The following ZNF514 variants were observed in gnomAD, a reference collection of about 807,000 sequenced individuals.
The protein encoded by ZNF514 is zinc finger protein 514.
Under a neutral mutation model 9.7 loss-of-function variants are expected in ZNF514, and 12 were observed. The observed-to-expected ratio is 1.24, with a 90% CI of 0.79 to 2.01. The LOEUF (loss-of-function observed/expected upper bound fraction) is 2.01, where lower values mean the gene tolerates loss of function less well. Among genes scored for constraint, ZNF514 ranks in the 30% most tolerant of loss-of-function variants. ZNF514 has a pLI of 0.00. For missense variants in ZNF514, 467 were observed against 465.5 expected (o/e 1.00, Z -0.03); for synonymous variants, 158 against 163.7 (o/e 0.97, Z 0.27).
intron 2 of ZNF514, chr2:95,154,188 C>CAA (rs1483268079): frequency 1.3e-5 from 2 of 152,264 alleles, no homozygotes; most frequent in African/African-American, 4.8e-5. Context: ...TACAGGTGAG[C>CAA]AAAAGCCTTC....
At chr2:95,157,095 C>T (rs2104476773) in intron 2 of ZNF514, among the ~76,000 whole-genome samples, 1 of 152,300 alleles carries the variant, frequency 6.6e-6, no homozygotes, top group Middle Eastern at 3.4e-3. Context: ...AGGGCTGTCA[C>T]ATTACCTGGT....
At chr2:95,128,050 C>A in the ZNF514 span, among the ~76,000 whole-genome samples, 1 of 152,142 alleles carries the variant, frequency 6.6e-6, no homozygotes, top group Non-Finnish European at 1.5e-5. Flanking sequence ...AGTTCAAGAC[C>A]AGCCCTGGAC....
downstream of ZNF514, among the ~76,000 whole-genome samples, chr2:95,141,423 T>G (rs865787822): frequency 6.6e-6 from 1 of 152,140 alleles, no homozygotes; most frequent in Non-Finnish European, 1.5e-5. Context: ...TTCACTCCCC[T>G]GGGGACGTAT....
chr2:95,131,601 T>C, the ZNF514 span, among the ~76,000 whole-genome samples: 15 of 152,178 alleles, frequency 9.9e-5, no homozygotes, highest in Admixed American at 9.8e-4. Context: ...ACCCCAGAGC[T>C]GGAATCTTCG....
chr2:95,149,984 A>G lies in ZNF514; in HGVS notation c.501T>C (p.Val167=), dbSNP rs1365634542. The G allele has an allele frequency of 1.2e-6, 2 of 1,614,238 alleles. No homozygotes were observed. Among genetic ancestry groups the G allele is most frequent in the South Asian group, 1.1e-5 (1 of 91,084 alleles). Residue 167 remains valine, a synonymous_variant, in exon 5 of 5, where the codon GTT becomes GTC. Coordinates refer to ENST00000295208, the MANE Select transcript of ZNF514 (RefSeq NM_032788.3). ...GRSLGLRSVL[V]NQHSILMGEG... ...CTCCCATGAGAATGCTGTGTTGGTT[A>G]ACAAGGACTGATCTTAAACCTAAGC...
chr2:95,149,593 CA>C lies in ZNF514; in HGVS notation c.891del (p.Phe297LeufsTer123), dbSNP rs772274764. ...PYKCNECGRA[F>X]GHTSSLIKHQ... ...TGCTTAATAAGGGATGAAGTGTGAC[CA>C]AAGGCTCGTCCACATTCATTACATT... On this transcript the variant is annotated frameshift_variant, in exon 5 of 5. Transcript: ENST00000295208. LOFTEE classifies it low-confidence loss of function (END_TRUNC). 4.3e-6 allele frequency: 7 copies of C among 1,613,830 alleles called. No individual in the cohort carries two copies. The Admixed American group carries it at 1.2e-4, about 27-fold the overall frequency.
chr2:95,131,073 G>A, the ZNF514 span, among the ~76,000 whole-genome samples: 2 of 152,084 alleles, frequency 1.3e-5, no homozygotes, highest in African/African-American at 4.8e-5. Context: ...CTCTGTTTGG[G>A]GTCCCTGACT....
chr2:95,136,641 G>C, the ZNF514 span, among the ~76,000 whole-genome samples: 21 of 151,766 alleles, frequency 1.4e-4, no homozygotes, highest in African/African-American at 4.6e-4. Context: ...AAAAAAAGAG[G>C]GAACTCACAA....
chr2:95,152,584 T>C, intron 4 of ZNF514, 90 bp downstream of exon 4: 1 of 1,046,234 alleles, frequency 9.6e-7, no homozygotes, highest in Non-Finnish European at 1.5e-6. Flanking sequence ...TCTCATCTTC[T>C]GAAAGGACAG....
At chr2:95,153,399 A>T in intron 2 of ZNF514, 140 bp from the exon 3 acceptor site, 1 of 762,212 alleles carries the variant, frequency 1.3e-6, no homozygotes. Flanking sequence ...ACATTTCCTC[A>T]TTTGTCAAAA....
chr2:95,129,634 G>A, the ZNF514 span, among the ~76,000 whole-genome samples: 4 of 152,062 alleles, frequency 2.6e-5, no homozygotes, highest in South Asian at 2.1e-4. Context: ...AGGGGCTCCC[G>A]TTGCCCTCAT....
the ZNF514 span, among the ~76,000 whole-genome samples, chr2:95,124,928 C>G: frequency 1.3e-5 from 2 of 152,316 alleles, no homozygotes; most frequent in South Asian, 2.1e-4. Context: ...GTCGCCCAGG[C>G]TGGAGTGCAA....
rs758619339 is a variant in ZNF514, at chr2:95,149,826, C to A, written c.659G>T (p.Arg220Met). Residue 220 changes from arginine to methionine, a missense_variant, in exon 5 of 5, where the codon AGG (arginine) becomes ATG (methionine). Physicochemically the swap from Arg to Met is moderately conservative, Grantham distance 91. Coordinates refer to ENST00000295208, the MANE Select transcript of ZNF514 (RefSeq NM_032788.3). ...GKSFHFQSEL[R>M]RHQRCHTGEK... ...TCCAGTGTGACATCGCTGATGGCGC[C>A]TAAGTTCTGACTGGAAGTGAAAGGA... The A allele has an allele frequency of 6.2e-7, 1 of 1,614,188 alleles. No individual in the cohort carries two copies. The highest frequency in any genetic ancestry group is 1.7e-5 in the Admixed American group (1 of 60,022).
chr2:95,130,252 C>T, the ZNF514 span, among the ~76,000 whole-genome samples: 1 of 151,998 alleles, frequency 6.6e-6, no homozygotes, highest in Non-Finnish European at 1.5e-5. Flanking sequence ...GTGACAGACA[C>T]CAAGTACTTA....
chr2:95,131,006 T>C, the ZNF514 span, among the ~76,000 whole-genome samples: 1 of 152,212 alleles, frequency 6.6e-6, no homozygotes, highest in African/African-American at 2.4e-5. Flanking sequence ...GGGGAACTAA[T>C]AAATGTCCAT....
rs964834664 is a variant in ZNF514 at position 95,147,065 on chromosome 2, A to C, written c.*2217T>G. ...TTCCTCATCTGGACTTTAAATGCTTAAAGTATTTTCCTCAGTATAAGCTAA... is the reference window on the plus strand; with the variant it reads ...TTCCTCATCTGGACTTTAAATGCTTCAAGTATTTTCCTCAGTATAAGCTAA... On this transcript the variant is annotated 3_prime_UTR_variant, in exon 5 of 5. Coordinates refer to ENST00000295208, the MANE Select transcript of ZNF514 (RefSeq NM_032788.3). 6.6e-6 allele frequency among the ~76,000 whole-genome samples: 1 copy of C among 152,154 alleles called. No homozygotes were observed. The highest frequency in any genetic ancestry group is 2.4e-5 in the African/African-American group (1 of 41,432).
intron 2 of ZNF514, among the ~76,000 whole-genome samples, chr2:95,156,259 T>A (rs1673683694): frequency 6.6e-6 from 1 of 152,190 alleles, no homozygotes; most frequent in African/African-American, 2.4e-5. Flanking sequence ...GAGGCTGGCA[T>A]TTGTACCCCT....
At chr2:95,143,238 A>C (rs867872571), downstream of ZNF514, among the ~76,000 whole-genome samples, 1 of 152,240 alleles carries the variant, frequency 6.6e-6, no homozygotes, top group Non-Finnish European at 1.5e-5. Context: ...TCAAAAGGGA[A>C]GTCCTTGACA....
rs1307632027 is a variant in ZNF514 at position 95,147,243 on chromosome 2, A to G, written c.*2039T>C. ...TAGGGGTAACTGTTACAGAAAATAA[A>G]AAGTGATACCAAAAATGCATAGATG... On this transcript the variant is annotated 3_prime_UTR_variant, in exon 5 of 5. Coordinates refer to ENST00000295208, the MANE Select transcript of ZNF514 (RefSeq NM_032788.3). The G allele has an allele frequency of 6.6e-6, 1 of 152,220 alleles. No homozygotes were observed. Among genetic ancestry groups the G allele is most frequent in the Non-Finnish European group, 1.5e-5 (1 of 68,044 alleles). The allele number at this position is 152,220 out of a possible 1,614,324, so 9.4% of individuals were successfully genotyped here.
Sources: gnomAD v4.1 joint callset for allele counts (sites outside exome capture counted in the v4.1 genomes callset) on GRCh38, gnomAD v4.1.1 for gene constraint, MANE v1.5 for transcripts, NCBI Gene and HGNC (gene_info 2026-07-23, HGNC 2026-07-21) for gene names.